Variants in ROBO1 observed in about 807,000 individuals in gnomAD.
The protein encoded by ROBO1 is roundabout guidance receptor 1.
ROBO1 carries 149 observed loss-of-function variants against 195.9 expected under a neutral mutation model. The observed-to-expected ratio is 0.76, with a 90% CI of 0.67 to 0.87. The LOEUF (loss-of-function observed/expected upper bound fraction) is 0.87. ROBO1 is among the 40% of genes least tolerant of loss of function. The pLI is 0.00. For synonymous variants in ROBO1, 816 were observed against 733.2 expected (o/e 1.11, Z -1.82); for missense variants, 1,933 against 2,068.3 (o/e 0.93, Z 1.27).
chr3:79,698,471 A>AAT (rs1947512304), intron 1 of ROBO1, among the ~76,000 whole-genome samples: 1 of 151,416 alleles, frequency 6.6e-6, no homozygotes, highest in South Asian at 2.1e-4. Context: ...CATATAGATA[A>AAT]ATATATATGA....
At chr3:79,411,003 C>T (rs369327537) in intron 2 of ROBO1, among the ~76,000 whole-genome samples, 1 of 152,244 alleles carries the variant, frequency 6.6e-6, no homozygotes, top group East Asian at 1.9e-4. Flanking sequence ...TATTGGCATG[C>T]CTTTTCTGAA....
At chr3:79,179,071 A>T (rs1261417807) in intron 2 of ROBO1, among the ~76,000 whole-genome samples, 1 of 152,194 alleles carries the variant, frequency 6.6e-6, no homozygotes, top group Non-Finnish European at 1.5e-5. Context: ...GAACTTCAAC[A>T]AAGAAAACAC....
At chr3:79,506,747 C>A (rs1940421210) in intron 2 of ROBO1, among the ~76,000 whole-genome samples, 1 of 152,060 alleles carries the variant, frequency 6.6e-6, no homozygotes, top group South Asian at 2.1e-4. Flanking sequence ...CCGGCTGAGA[C>A]AAAGCAATTT....
At chr3:78,839,546 GAC>G (rs2033025035) in intron 4 of ROBO1, among the ~76,000 whole-genome samples, 2 of 151,606 alleles carry the variant, frequency 1.3e-5, no homozygotes, top group Non-Finnish European at 2.9e-5. Context: ...GGATAAAAAA[GAC>G]AAATAGTAAT....
chr3:79,437,300 C>T (rs1317817269), intron 2 of ROBO1, among the ~76,000 whole-genome samples: 1 of 151,968 alleles, frequency 6.6e-6, no homozygotes, highest in Non-Finnish European at 1.5e-5. Flanking sequence ...GAATATCAAG[C>T]TGGTCAACAT....
intron 4 of ROBO1, among the ~76,000 whole-genome samples, chr3:78,872,551 T>C (rs945828083): frequency 3.3e-5 from 5 of 152,222 alleles, no homozygotes; most frequent in African/African-American, 7.2e-5. Flanking sequence ...GAAGGATTAG[T>C]TTCTTTTCCT....
intron 4 of ROBO1, among the ~76,000 whole-genome samples, chr3:78,934,595 G>A (rs996210740): frequency 1.3e-5 from 2 of 151,700 alleles, no homozygotes; most frequent in African/African-American, 4.8e-5. Context: ...TGGCTTTTCT[G>A]CCCTCACCAA....
At chr3:79,720,252 C>T (rs1351486174) in intron 1 of ROBO1, among the ~76,000 whole-genome samples, 1 of 152,062 alleles carries the variant, frequency 6.6e-6, no homozygotes, top group Non-Finnish European at 1.5e-5. Context: ...GACCAACGGA[C>T]CTCTTGGAAC....
rs1247699263 is a variant in ROBO1, at chr3:79,453,510, C to T, written c.88+136314G>A. On this transcript the variant is annotated intron_variant, in intron 2 of 30. Coordinates refer to ENST00000464233, the MANE Select transcript of ROBO1 (RefSeq NM_002941.4). The stretch of plus-strand genomic sequence containing the variant: ...TATAGCTCTAACTTAGGCATTTTCA[C>T]GAAGCCTCACTTAGGCATACTGAGA... 3.9e-5 allele frequency among the ~76,000 whole-genome samples: 6 copies of T among 152,092 alleles called. No individual in the cohort carries two copies. The Middle Eastern group carries it at 0.01, about 259-fold the overall frequency.
chr3:79,680,451 G>C lies in ROBO1; in HGVS notation c.-51+87301C>G, dbSNP rs75493243. ...AAAGAATTATCATCTGAGTGAAGAAGTGGTATGAGTTACTGGATGGGAAAG... is the reference window on the plus strand; with the variant it reads ...AAAGAATTATCATCTGAGTGAAGAACTGGTATGAGTTACTGGATGGGAAAG... On this transcript the variant is annotated intron_variant, in intron 1 of 30. Coordinates refer to ENST00000464233, the MANE Select transcript of ROBO1 (RefSeq NM_002941.4). Among the ~76,000 whole-genome samples the C allele has an allele frequency of 7.3e-3, 1,104 of 152,164 alleles. 14 individuals carry two copies. Among genetic ancestry groups the C allele is most frequent in the African/African-American group, 0.023 (974 of 41,562 alleles).
intron 3 of ROBO1, among the ~76,000 whole-genome samples, chr3:79,080,208 T>A (rs1013956952): frequency 1.3e-5 from 2 of 151,630 alleles, no homozygotes; most frequent in South Asian, 2.1e-4. Flanking sequence ...TTAAGAAAAA[T>A]TTCCAAAACC....
chr3:78,656,518 T>G (rs994420774), intron 18 of ROBO1, among the ~76,000 whole-genome samples: 8 of 151,718 alleles, frequency 5.3e-5, no homozygotes, highest in Non-Finnish European at 1.2e-4. Flanking sequence ...ACCCAGCTAG[T>G]TTTTTTGTAT....
chr3:79,719,641 G>A (rs1178031916), intron 1 of ROBO1, among the ~76,000 whole-genome samples: 3 of 152,062 alleles, frequency 2.0e-5, no homozygotes, highest in African/African-American at 7.2e-5. Flanking sequence ...TAATTTTGAG[G>A]TTATGTCGCT....
At chr3:79,215,301 C>T (rs1282589930) in intron 2 of ROBO1, among the ~76,000 whole-genome samples, 2 of 152,072 alleles carry the variant, frequency 1.3e-5, no homozygotes, top group East Asian at 1.9e-4. Context: ...CTTGCTGATG[C>T]TCATGTCCCA....
chr3:79,454,758 C>G (rs1266094223), intron 2 of ROBO1, among the ~76,000 whole-genome samples: 1 of 152,026 alleles, frequency 6.6e-6, no homozygotes, highest in African/African-American at 2.4e-5. Context: ...ATCCATGCAT[C>G]TCATCTTTAC....
intron 2 of ROBO1, among the ~76,000 whole-genome samples, chr3:79,465,146 T>C (rs563336041): frequency 6.6e-6 from 1 of 152,256 alleles, no homozygotes; most frequent in South Asian, 2.1e-4. Context: ...ACATTTTGAA[T>C]AAATTATATT....
intron 26 of ROBO1, among the ~76,000 whole-genome samples, chr3:78,624,218 A>C (rs371267789): frequency 2.1e-4 from 32 of 152,308 alleles, no homozygotes; most frequent in East Asian, 1.9e-3. Flanking sequence ...ATCTTTATTG[A>C]GGTCTTCACA....
At chr3:79,241,947 GCT>G (rs1576862917) in intron 2 of ROBO1, among the ~76,000 whole-genome samples, 1 of 18,402 alleles carries the variant, frequency 5.4e-5, no homozygotes, top group African/African-American at 2.7e-4. Flanking sequence ...CTTAATTTAA[GCT>G]TTTTTTTTTT....
chr3:79,259,273 C>T (rs1479220008), intron 2 of ROBO1, among the ~76,000 whole-genome samples: 1 of 152,026 alleles, frequency 6.6e-6, no homozygotes. Flanking sequence ...GCCTCCCCAG[C>T]AGCTGCATGC....
Sources: allele counts gnomAD v4.1 joint callset (sites outside exome capture counted in the v4.1 genomes callset), GRCh38; gene constraint gnomAD v4.1.1; transcripts MANE v1.5; gene names NCBI Gene and HGNC (gene_info 2026-07-23, HGNC 2026-07-21).